The following ACSL3 variants were observed in gnomAD, a reference collection of about 807,000 sequenced individuals.
ACSL3 encodes the protein acyl-CoA synthetase long chain family member 3.
A neutral mutation model predicts 84.7 loss-of-function variants in ACSL3; 34 were observed. The observed-to-expected ratio is 0.40, with a 90% confidence interval of 0.31 to 0.53. ACSL3 has a LOEUF of 0.53. Ranked by LOEUF, ACSL3 falls within the 20% of genes least tolerant of loss-of-function variation. ACSL3 has a pLI of 0.48. For missense variants in ACSL3, 680 were observed against 873.1 expected (o/e 0.78, Z 2.79); for synonymous variants, 315 against 299.4 (o/e 1.05, Z -0.54).
chr2:222,927,232 G>T (rs377712865), intron 12 of ACSL3, 43 bp downstream of exon 12: 9 of 1,591,030 alleles, frequency 5.7e-6, no homozygotes, highest in African/African-American at 2.7e-5. Context: ...GATGCCAGAC[G>T]TTTTTTTGGG....
At chr2:222,886,138 A>T (rs795879) in intron 1 of ACSL3, among the ~76,000 whole-genome samples, 77,746 of 147,078 alleles carry the variant, frequency 0.53, 20,521 homozygotes, top group East Asian at 0.77. Context: ...CACACGTGGC[A>T]TGTTGGTTTG....
intron 1 of ACSL3, among the ~76,000 whole-genome samples, chr2:222,881,635 C>T (rs1695594309): frequency 6.6e-6 from 1 of 152,074 alleles, no homozygotes; most frequent in Non-Finnish European, 1.5e-5. Flanking sequence ...TCCTGCCTCA[C>T]CCTCCTAAGT....
rs756257281 is a variant in ACSL3 at position 222,933,242 on chromosome 2, T to C, written c.1809T>C (p.Asn603=). The change falls in exon 15 of 17, where the codon AAT becomes AAC. Residue 603 remains asparagine (N), a synonymous_variant. Coordinates refer to ENST00000357430, the MANE Select transcript of ACSL3 (RefSeq NM_004457.5). ...SLGKVEAALK[N]LPLVDNICAY... is the part of the protein sequence containing the mutation. ...GGAAAGTAGAGGCAGCTTTGAAGAATCTTCCACTAGTAGATAACATTTGTG... is the reference window on the plus strand; with the variant it reads ...GGAAAGTAGAGGCAGCTTTGAAGAACCTTCCACTAGTAGATAACATTTGTG... 3 of 1,613,850 alleles carry C rather than the reference T, an allele frequency of 1.9e-6. No individual in the cohort carries two copies. The highest frequency in any genetic ancestry group is 4.5e-5 in the East Asian group (2 of 44,858).
At chr2:222,882,336 T>TG (rs1192222457) in intron 1 of ACSL3, among the ~76,000 whole-genome samples, 1 of 152,244 alleles carries the variant, frequency 6.6e-6, no homozygotes, top group African/African-American at 2.4e-5. Context: ...TGTTCATAGT[T>TG]GCCTACCTTC....
intron 15 of ACSL3, among the ~76,000 whole-genome samples, chr2:222,934,268 A>C (rs533620666): frequency 6.6e-6 from 1 of 152,358 alleles, no homozygotes; most frequent in Admixed American, 6.5e-5. Flanking sequence ...GGCAGTATTC[A>C]TAACAGTTTT....
At chr2:222,863,966 A>G (rs1234939123) in intron 1 of ACSL3, among the ~76,000 whole-genome samples, 50 of 152,200 alleles carry the variant, frequency 3.3e-4, no homozygotes, top group Non-Finnish European at 2.9e-5. Flanking sequence ...CTAATACTCA[A>G]ATTTAAGGTT....
chr2:222,900,815 T>C (rs1696124429), intron 3 of ACSL3, 35 bp downstream of exon 3: 1 of 152,270 alleles, frequency 6.6e-6, no homozygotes. Context: ...TTATCTAATT[T>C]CTTTGCCTTT....
intron 3 of ACSL3, among the ~76,000 whole-genome samples, chr2:222,904,228 A>G (rs897841291): frequency 2.6e-5 from 4 of 152,018 alleles, no homozygotes; most frequent in African/African-American, 9.7e-5. Context: ...CCGAGATCGC[A>G]CCATTGCACT....
chr2:222,874,947 C>CA (rs889260193), intron 1 of ACSL3, among the ~76,000 whole-genome samples: 38 of 132,822 alleles, frequency 2.9e-4, no homozygotes, highest in East Asian at 4.3e-4. Context: ...TCTCTACCAA[C>CA]AAAAAAAAAA....
intron 1 of ACSL3, among the ~76,000 whole-genome samples, chr2:222,883,754 AT>A (rs1695653386): frequency 6.6e-6 from 1 of 152,124 alleles, no homozygotes; most frequent in African/African-American, 2.4e-5. Context: ...TCTTGGATTA[AT>A]TTAACACCTT....
In ACSL3 at chr2:222,922,975, A is replaced by G. The variant is rs1278682307; in HGVS notation, c.1081-103A>G. The stretch of plus-strand genomic sequence containing the variant: ...GCCTTTTAAGTGCTTCTTAGACTGT[A>G]AGTACATTAAAATAATTTATAATAG... On this transcript the variant is annotated intron_variant, in intron 9 of 16. Coordinates refer to ENST00000357430, the MANE Select transcript of ACSL3 (RefSeq NM_004457.5). 5 of 1,324,530 alleles carry G rather than the reference A, an allele frequency of 3.8e-6. No individual in the cohort carries two copies. The East Asian group carries it at 1.2e-4, about 33-fold the overall frequency. 82.0% of individuals were successfully genotyped at this position (1,324,530 alleles called of 1,614,324 possible).
At chr2:222,864,913 G>T (rs1695100115) in intron 1 of ACSL3, among the ~76,000 whole-genome samples, 1 of 152,128 alleles carries the variant, frequency 6.6e-6, no homozygotes, top group South Asian at 2.1e-4. Context: ...GTCAAGAACT[G>T]TTAAATTTCT....
In ACSL3 at chr2:222,873,270, TG is replaced by T. The variant is rs1324804301; in HGVS notation, c.-207+12014del. ...ACCTGACCATATATTATGTTGATTT[TG>T]GTATTGTTCGCCTATTAAGGCCAAT... On this transcript the variant is annotated intron_variant, in intron 1 of 16. Transcript: ENST00000357430. 1.1e-3 allele frequency among the ~76,000 whole-genome samples: 169 copies of T among 152,372 alleles called. 1 individual carries two copies. The highest frequency in any genetic ancestry group is 3.7e-3 in the African/African-American group (153 of 41,584).
intron 16 of ACSL3, among the ~76,000 whole-genome samples, chr2:222,938,829 T>C (rs1697235297): frequency 6.6e-6 from 1 of 152,148 alleles, no homozygotes; most frequent in South Asian, 2.1e-4. Flanking sequence ...TTTCCTCTCT[T>C]AGTAATTTCA....
At position 222,933,383 on chromosome 2, in the gene ACSL3, TC is replaced by T. The variant is rs1351932858; in HGVS notation, c.1847+105del. 4 of 757,372 alleles carry T rather than the reference TC, an allele frequency of 5.3e-6. No individual in the cohort carries two copies. In the African/African-American group the frequency reaches 5.3e-5, roughly 10 times the overall value. The allele number at this position is 757,372 out of a possible 1,614,324, so 46.9% of individuals were successfully genotyped here. A position where few individuals can be genotyped will look rare whatever the true frequency, so the allele number is the denominator to read the frequency against. The stretch of plus-strand genomic sequence containing the variant: ...TTTGTAAAAATGTTCCGAGAACTCT[TC>T]CTATCTGTTACTTGTGGGAATGGCC... On this transcript the variant is annotated intron_variant, in intron 15 of 16. Coordinates refer to ENST00000357430, the MANE Select transcript of ACSL3 (RefSeq NM_004457.5).
At chr2:222,861,388 C>G (rs952472803) in intron 1 of ACSL3, 130 bp downstream of exon 1, 1 of 151,612 alleles carries the variant, frequency 6.6e-6, no homozygotes, top group Non-Finnish European at 1.5e-5. Context: ...CCGCACCTGA[C>G]CGCTGGGTGT....
chr2:222,927,812 C>T (rs1446881470), intron 12 of ACSL3, among the ~76,000 whole-genome samples: 6 of 152,128 alleles, frequency 3.9e-5, no homozygotes, highest in Admixed American at 1.3e-4. Flanking sequence ...TTGCCATATA[C>T]GGATAGATAC....
chr2:222,862,261 A>G (rs1213569734), intron 1 of ACSL3, among the ~76,000 whole-genome samples: 1 of 152,184 alleles, frequency 6.6e-6, no homozygotes, highest in Non-Finnish European at 1.5e-5. Context: ...TTACAGCGGG[A>G]GAAACTGCAG....
rs1350849031 is a variant in ACSL3 at position 222,932,756 on chromosome 2, C to T, written c.1733-410C>T. ...ACCATCCTGGCTAACAAGGTGAAAC[C>T]CCGTCTCTACTAAAAATACAAAAAA... On this transcript the variant is annotated intron_variant, in intron 14 of 16. Coordinates refer to ENST00000357430, the MANE Select transcript of ACSL3 (RefSeq NM_004457.5). Among the ~76,000 whole-genome samples, 4 of 13,436 alleles carry T rather than the reference C, an allele frequency of 3.0e-4. 2 individuals are homozygous for T. Among genetic ancestry groups the T allele is most frequent in the Non-Finnish European group, 4.6e-4 (4 of 8,722 alleles). The allele number at this position is 13,436 out of a possible 152,430, so 8.8% of individuals were successfully genotyped here. A position where few individuals can be genotyped will look rare whatever the true frequency, so the allele number is the denominator to read the frequency against.
Sources: gnomAD v4.1 joint callset for allele counts (sites outside exome capture counted in the v4.1 genomes callset) on GRCh38, gnomAD v4.1.1 for gene constraint, MANE v1.5 for transcripts, NCBI Gene and HGNC (gene_info 2026-07-23, HGNC 2026-07-21) for gene names.